The following CLSTN1 variants were observed in gnomAD, a reference collection of about 807,000 sequenced individuals.
CLSTN1 encodes calsyntenin 1.
A neutral mutation model predicts 108.3 loss-of-function variants in CLSTN1; 28 were observed. The ratio of observed to expected loss-of-function variants is 0.26; its 90% CI spans 0.19 to 0.35. CLSTN1 has a LOEUF of 0.35. CLSTN1 is among the 10% of genes least tolerant of loss of function. CLSTN1 has a pLI of 1.00. For missense variants in CLSTN1, 1,157 were observed against 1,302.6 expected, an observed-to-expected ratio of 0.89 and a Z score of 1.72; for synonymous variants, 524 against 534.9, an observed-to-expected ratio of 0.98 and a Z score of 0.28.
intron 1 of CLSTN1, among the ~76,000 whole-genome samples, chr1:9,785,290 G>A (rs1400050469): frequency 6.6e-6 from 1 of 151,912 alleles, no homozygotes; most frequent in East Asian, 1.9e-4. Flanking sequence ...TTACAGGCGT[G>A]ACCCACTGCA....
At chr1:9,741,837 G>A (rs868742726) in intron 9 of CLSTN1, among the ~76,000 whole-genome samples, 8 of 152,174 alleles carry the variant, frequency 5.3e-5, no homozygotes, top group Admixed American at 3.9e-4. Flanking sequence ...GCTTGAACCC[G>A]GGAGGCAAAG....
At chr1:9,754,954 G>C (rs183671252) in intron 4 of CLSTN1, among the ~76,000 whole-genome samples, 160 bp downstream of exon 4, 4 of 152,138 alleles carry the variant, frequency 2.6e-5, no homozygotes, top group Non-Finnish European at 4.4e-5. Flanking sequence ...CATGATTCCT[G>C]CCCTCCAAGT....
At chr1:9,809,866 A>G (rs1369620405) in intron 1 of CLSTN1, among the ~76,000 whole-genome samples, 1 of 150,678 alleles carries the variant, frequency 6.6e-6, no homozygotes, top group East Asian at 2.0e-4. Flanking sequence ...ACACCACCGC[A>G]CTCTAGCCTG....
At chr1:9,741,007 G>A in intron 10 of CLSTN1, 87 bp downstream of exon 10, 1 of 1,407,182 alleles carries the variant, frequency 7.1e-7, no homozygotes, top group South Asian at 1.3e-5. Context: ...TAAGGCTGTA[G>A]GATACCGATC....
intron 2 of CLSTN1, among the ~76,000 whole-genome samples, chr1:9,767,979 C>T (rs1652431488): frequency 6.6e-6 from 1 of 152,176 alleles, no homozygotes; most frequent in African/African-American, 2.4e-5. Context: ...AACATTCCCC[C>T]AAACCAATGA....
chr1:9,738,525 G>A (rs1650808816), intron 10 of CLSTN1, among the ~76,000 whole-genome samples: 2 of 152,222 alleles, frequency 1.3e-5, no homozygotes, highest in African/African-American at 4.8e-5. Context: ...GCTGGTAGAA[G>A]GGAATGAAGC....
At position 9,730,252 on chromosome 1, in the gene CLSTN1, T is replaced by C; in HGVS notation, c.*256A>G. ...GACACAAACGCGGGGCCTGAGGCGC[T>C]GGGAGGCCCCTGTGCGAGCCGGATG... is the stretch of plus-strand genomic sequence containing the variant. On this transcript the variant is annotated 3_prime_UTR_variant, in exon 19 of 19. Transcript: ENST00000377298. This position sits in a 1 kb window ranked among gnomAD's most constrained non-coding sequence, Gnocchi z 5.6. 1.8e-6 allele frequency: 1 copy of C among 562,662 alleles called. No individual in the cohort carries two copies. Among genetic ancestry groups the C allele is most frequent in the Non-Finnish European group, 3.2e-6 (1 of 312,536 alleles). The allele number at this position is 562,662 out of a possible 1,614,324, so 34.9% of individuals were successfully genotyped here.
At chr1:9,818,777 CTTTTTTTTT>C (rs1156483241) in intron 1 of CLSTN1, among the ~76,000 whole-genome samples, 9 of 98,076 alleles carry the variant, frequency 9.2e-5, no homozygotes, top group South Asian at 3.3e-4. Context: ...TCAAGCAACT[CTTTTTTTTT>C]TTTTTTTTTT....
chr1:9,749,657 C>A lies in CLSTN1; in HGVS notation c.800-11G>T. The A allele has an allele frequency of 6.2e-7, 1 of 1,612,828 alleles. No individual in the cohort carries two copies. Among genetic ancestry groups the A allele is most frequent in the Non-Finnish European group, 8.5e-7 (1 of 1,179,302 alleles). Reference sequence around the variant, plus strand: ...TCCTGTTGTTCCATCCTGTGTTGGTCCACAAGTCAGCAGGGGAAGAGAGAA... The same window carrying A: ...TCCTGTTGTTCCATCCTGTGTTGGTACACAAGTCAGCAGGGGAAGAGAGAA... On this transcript the variant is annotated splice_polypyrimidine_tract_variant and intron_variant, in intron 6 of 18. Coordinates refer to ENST00000377298, the MANE Select transcript of CLSTN1 (RefSeq NM_001009566.3).
chr1:9,735,665 G>A (rs1557690660), intron 12 of CLSTN1, 50 bp from the exon 13 acceptor site: 1 of 1,609,246 alleles, frequency 6.2e-7, no homozygotes, highest in Non-Finnish European at 8.5e-7. Flanking sequence ...AGTAACCGCA[G>A]GAGCTGAAAC....
chr1:9,772,137 C>T (rs1467849192), intron 2 of CLSTN1, among the ~76,000 whole-genome samples: 5 of 130,270 alleles, frequency 3.8e-5, no homozygotes, highest in Non-Finnish European at 7.9e-5. Flanking sequence ...CCACCACACC[C>T]GGCTTTTTTT....
At chr1:9,818,221 G>C (rs1350704446) in intron 1 of CLSTN1, among the ~76,000 whole-genome samples, 1 of 151,062 alleles carries the variant, frequency 6.6e-6, no homozygotes, top group Non-Finnish European at 1.5e-5. Context: ...TGTTGCACAG[G>C]CTGGTCTCGA....
chr1:9,735,821 C>G (rs1430401022), intron 12 of CLSTN1, 64 bp downstream of exon 12: 1 of 1,593,092 alleles, frequency 6.3e-7, no homozygotes, highest in African/African-American at 1.3e-5. Flanking sequence ...CCTCATCCCA[C>G]CAGCCTCCGG....
Position 9,729,433 on chromosome 1 carries a change from GGAGGAGA to G in CLSTN1, c.*1068_*1074del, listed in dbSNP as rs984114964. The G allele has an allele frequency of 2.0e-5, 3 of 152,640 alleles. No homozygotes were observed. Among genetic ancestry groups the G allele is most frequent in the African/African-American group, 4.8e-5 (2 of 41,414 alleles). The allele number at this position is 152,640 out of a possible 1,614,324, so 9.5% of individuals were successfully genotyped here. A position where few individuals can be genotyped will look rare whatever the true frequency, so the allele number is the denominator to read the frequency against. On this transcript the variant is annotated 3_prime_UTR_variant, in exon 19 of 19. Coordinates refer to ENST00000377298, the MANE Select transcript of CLSTN1 (RefSeq NM_001009566.3). ...CCCCTGATGGCAGGGGGTGCTCTGG[GGAGGAGA>G]GAGGAGAGAACAGGCTGTTTTGGAA...
chr1:9,821,376 G>A (rs1570534547), intron 1 of CLSTN1, among the ~76,000 whole-genome samples: 1 of 152,170 alleles, frequency 6.6e-6, no homozygotes, highest in African/African-American at 2.4e-5. Flanking sequence ...CAGGTGATCC[G>A]CTGGCCTCGG....
chr1:9,731,256 C>T lies in CLSTN1; in HGVS notation c.2698G>A (p.Glu900Lys), dbSNP rs762629054. 5.6e-6 allele frequency: 9 copies of T among 1,614,248 alleles called. No individual in the cohort carries two copies. The highest frequency in any genetic ancestry group is 4.5e-5 in the East Asian group (2 of 44,882). The part of the protein sequence containing the change: ...MRDQDTGKEN[E>K]MDWDDSALTI... ...AGGGCAGAGTCGTCCCAGTCCATCT[C>T]GTTCTCCTTCCCGGTGTCCTGATCC... The change falls in exon 18 of 19, where the codon GAG (glutamate) becomes AAG (lysine). Residue 900 changes from glutamate to lysine, a missense_variant. Coordinates refer to ENST00000377298, the MANE Select transcript of CLSTN1 (RefSeq NM_001009566.3).
intron 4 of CLSTN1, among the ~76,000 whole-genome samples, chr1:9,752,806 G>A (rs1008366182): frequency 1.3e-5 from 2 of 152,148 alleles, no homozygotes; most frequent in African/African-American, 2.4e-5. Flanking sequence ...AGGTTGCAGT[G>A]AGCCGAGATT....
At position 9,781,477 on chromosome 1, in the gene CLSTN1, CTT is replaced by C. The variant is rs773397186; in HGVS notation, c.92-8085_92-8084del. The stretch of plus-strand genomic sequence containing the variant: ...TTTTTTTTTGAGGCGGAGTTTCGCT[CTT>C]GTCACCCAGGCTGGAGTGTAGTGGC... On this transcript the variant is annotated intron_variant, in intron 1 of 18. Transcript: ENST00000377298. 4.7e-5 allele frequency among the ~76,000 whole-genome samples: 7 copies of C among 150,204 alleles called. No homozygotes were observed. In the South Asian group the frequency reaches 8.4e-4, roughly 18 times the overall value.
At chr1:9,768,491 T>C (rs1422821214) in intron 2 of CLSTN1, among the ~76,000 whole-genome samples, 2 of 120,732 alleles carry the variant, frequency 1.7e-5, no homozygotes, top group South Asian at 3.0e-4. Context: ...TGGGGTTCTG[T>C]GCTGGGTGGC....
Sources: gnomAD v4.1 joint callset for allele counts (sites outside exome capture counted in the v4.1 genomes callset) on GRCh38, gnomAD v4.1.1 for gene constraint, Gnocchi (gnomAD v3.1) non-coding constraint, MANE v1.5 for transcripts, NCBI Gene and HGNC (gene_info 2026-07-23, HGNC 2026-07-21) for gene names.